Variants in PRKCB observed in about 807,000 individuals in gnomAD.
PRKCB encodes protein kinase C beta, also known as protein kinase C beta type.
In PRKCB, 13 loss-of-function variants were observed where a neutral mutation model predicts 81.5. That is an observed-to-expected ratio of 0.16 (90% CI 0.10 to 0.25). PRKCB has a LOEUF of 0.25. Ranked by LOEUF, PRKCB falls within the 10% of genes least tolerant of loss-of-function variation. PRKCB has a pLI of 1.00. For missense variants in PRKCB, 509 were observed against 875.7 expected (o/e 0.58, Z 5.29); for synonymous variants, 335 against 321.4 (o/e 1.04, Z -0.45).
At chr16:24,032,724 G>T (rs919410462) in intron 4 of PRKCB, among the ~76,000 whole-genome samples, 1 of 152,090 alleles carries the variant, frequency 6.6e-6, no homozygotes, top group Non-Finnish European at 1.5e-5. Flanking sequence ...TTCTTAGGAG[G>T]GCAAGTCCCA....
At chr16:24,118,897 C>G (rs1452753562) in intron 8 of PRKCB, among the ~76,000 whole-genome samples, 1 of 152,086 alleles carries the variant, frequency 6.6e-6, no homozygotes, top group African/African-American at 2.4e-5. Flanking sequence ...GGGCTCCTGT[C>G]CTCTGAAGGC....
Position 23,990,658 on chromosome 16 carries a change from C to G in PRKCB, c.288+2068C>G, listed in dbSNP as rs191990599. ...AACCTCCCTGGCTCTAGCAACCCCCCCACCTCAGCCGCCCACGTAGCTGGG... is the reference window on the plus strand; with the variant it reads ...AACCTCCCTGGCTCTAGCAACCCCCGCACCTCAGCCGCCCACGTAGCTGGG... On this transcript the variant is annotated intron_variant, in intron 3 of 16. Coordinates refer to ENST00000643927, the MANE Select transcript of PRKCB (RefSeq NM_002738.7). 2.4e-3 allele frequency among the ~76,000 whole-genome samples: 364 copies of G among 152,138 alleles called. 1 individual carries two copies. The highest frequency in any genetic ancestry group is 8.6e-3 in the African/African-American group (357 of 41,504).
intron 7 of PRKCB, among the ~76,000 whole-genome samples, chr16:24,106,131 A>G (rs1004903417): frequency 6.8e-6 from 1 of 146,876 alleles, no homozygotes; most frequent in African/African-American, 2.5e-5. Flanking sequence ...AACAAAAAAA[A>G]CTAATGCTTT....
At chr16:23,986,407 C>G (rs1258100092) in intron 2 of PRKCB, among the ~76,000 whole-genome samples, 1 of 152,032 alleles carries the variant, frequency 6.6e-6, no homozygotes, top group Non-Finnish European at 1.5e-5. Context: ...CATGCACCAC[C>G]ATGTCTGGCT....
At position 24,217,009 on chromosome 16, in the gene PRKCB, A is replaced by G. The variant is rs1001204405; in HGVS notation, c.*2193A>G. 1 of 985,396 alleles carries G rather than the reference A, an allele frequency of 1.0e-6. No individual in the cohort carries two copies. The highest frequency in any genetic ancestry group is 1.7e-5 in the African/African-American group (1 of 57,334). The allele number at this position is 985,396 out of a possible 1,614,324, so 61.0% of individuals were successfully genotyped here. On this transcript the variant is annotated 3_prime_UTR_variant, in exon 17 of 17. Coordinates refer to ENST00000643927, the MANE Select transcript of PRKCB (RefSeq NM_002738.7). ...TGCTTGGACATGCTCTCAGGAAGAT[A>G]AAAACCATGGAGAAACACTAGGCCA... is the stretch of plus-strand genomic sequence containing the variant.
chr16:24,128,451 C>T (rs1429346739), intron 9 of PRKCB, among the ~76,000 whole-genome samples: 1 of 152,204 alleles, frequency 6.6e-6, no homozygotes, highest in African/African-American at 2.4e-5. Flanking sequence ...TTGGTAAGCC[C>T]TGTAAAAATG....
At chr16:24,169,542 G>T (rs1176229695) in intron 10 of PRKCB, among the ~76,000 whole-genome samples, 2 of 152,212 alleles carry the variant, frequency 1.3e-5, no homozygotes, top group Admixed American at 6.5e-5. Flanking sequence ...CCTTCGCACA[G>T]CCTGTTTCTC....
At chr16:24,105,840 T>C (rs900650124) in intron 7 of PRKCB, among the ~76,000 whole-genome samples, 1 of 152,324 alleles carries the variant, frequency 6.6e-6, no homozygotes. Context: ...TAAACATACA[T>C]GTGCATGTGT....
intron 4 of PRKCB, among the ~76,000 whole-genome samples, chr16:24,034,575 A>G (rs1192516191): frequency 6.6e-6 from 1 of 152,262 alleles, no homozygotes; most frequent in Non-Finnish European, 1.5e-5. Flanking sequence ...AATTCAGTGT[A>G]TAGGCACATT....
intron 7 of PRKCB, among the ~76,000 whole-genome samples, chr16:24,109,351 G>C (rs183373759): frequency 0.28 from 17,136 of 61,608 alleles, 3,611 homozygotes; most frequent in Non-Finnish European, 0.36. Flanking sequence ...CTTCCCAGAC[G>C]GGGCGGCTGC....
intron 3 of PRKCB, among the ~76,000 whole-genome samples, chr16:23,992,136 G>A (rs969851431): frequency 8.5e-5 from 13 of 152,212 alleles, no homozygotes; most frequent in Non-Finnish European, 1.8e-4. Context: ...ACTGGAGACC[G>A]AATCTTCCAG....
At chr16:23,945,622 C>T (rs976520466) in intron 2 of PRKCB, among the ~76,000 whole-genome samples, 2 of 151,750 alleles carry the variant, frequency 1.3e-5, no homozygotes, top group Non-Finnish European at 2.9e-5. Flanking sequence ...GGCCAGAAGC[C>T]GTGGAATCTC....
chr16:24,139,473 C>A (rs1416324807), intron 9 of PRKCB, among the ~76,000 whole-genome samples: 1 of 152,208 alleles, frequency 6.6e-6, no homozygotes, highest in Admixed American at 6.5e-5. Flanking sequence ...CCCTTTCTAG[C>A]AGTCACTGTG....
At chr16:24,171,895 C>T (rs198161) in intron 10 of PRKCB, among the ~76,000 whole-genome samples, 3,200 of 152,008 alleles carry the variant, frequency 0.021, 40 homozygotes, top group Admixed American at 0.03. Context: ...CACCACGATT[C>T]GCTAATTTTT....
At chr16:24,019,441 C>T (rs1446175152) in intron 3 of PRKCB, among the ~76,000 whole-genome samples, 1 of 152,146 alleles carries the variant, frequency 6.6e-6, no homozygotes, top group Non-Finnish European at 1.5e-5. Flanking sequence ...CACCTCAGCA[C>T]CTTGATTTTT....
At chr16:23,913,633 C>T (rs1348277556) in intron 2 of PRKCB, among the ~76,000 whole-genome samples, 5 of 152,264 alleles carry the variant, frequency 3.3e-5, no homozygotes, top group South Asian at 4.2e-4. Flanking sequence ...TGAGTCTGAA[C>T]GGTGATATCT....
chr16:24,118,691 T>G (rs1966763194), intron 8 of PRKCB, among the ~76,000 whole-genome samples: 1 of 152,212 alleles, frequency 6.6e-6, no homozygotes, highest in Admixed American at 6.5e-5. Context: ...CTCTTAGCAT[T>G]GAGTTCTAGG....
chr16:23,950,270 G>A (rs551472494), intron 2 of PRKCB, among the ~76,000 whole-genome samples: 5 of 150,974 alleles, frequency 3.3e-5, no homozygotes, highest in African/African-American at 1.2e-4. Context: ...TCCCTGAATG[G>A]TAATAGTGAC....
intron 2 of PRKCB, among the ~76,000 whole-genome samples, chr16:23,841,828 A>G (rs1026986439): frequency 1.3e-5 from 2 of 150,706 alleles, no homozygotes; most frequent in African/African-American, 2.4e-5. Flanking sequence ...GCTAATTTTT[A>G]TATTTTTAGT....
Sources: gnomAD v4.1 joint callset for allele counts (sites outside exome capture counted in the v4.1 genomes callset) on GRCh38, gnomAD v4.1.1 for gene constraint, MANE v1.5 for transcripts, NCBI Gene and HGNC (gene_info 2026-07-23, HGNC 2026-07-21) for gene names.